TMTC1: variants seen among roughly 807,000 people sequenced by gnomAD.
TMTC1 encodes transmembrane O-mannosyltransferase targeting cadherins 1, also known as protein O-mannosyl-transferase TMTC1.
Under a neutral mutation model 104.8 loss-of-function variants are expected in TMTC1, and 73 were observed. The observed-to-expected ratio is 0.70, with a 90% confidence interval of 0.58 to 0.85. The LOEUF (loss-of-function observed/expected upper bound fraction) is 0.85, where lower values mean the gene tolerates loss of function less well. Ranked by LOEUF, TMTC1 falls within the 40% of genes least tolerant of loss-of-function variation. The pLI is 0.00. For synonymous variants in TMTC1, 434 were observed against 428.7 expected (o/e 1.01, Z -0.15); for missense variants, 1,035 against 1,096.1 (o/e 0.94, Z 0.79).
intron 5 of TMTC1, among the ~76,000 whole-genome samples, chr12:29,666,521 C>A (rs892880539): frequency 2.0e-5 from 3 of 152,046 alleles, no homozygotes; most frequent in Non-Finnish European, 2.9e-5. Context: ...GTGTGAGCCA[C>A]CACACCCGGC....
chr12:29,758,441 A>C (rs1475880883), intron 3 of TMTC1, among the ~76,000 whole-genome samples: 1 of 152,230 alleles, frequency 6.6e-6, no homozygotes, highest in African/African-American at 2.4e-5. Context: ...AGAAACTACA[A>C]GTAAAAGGAA....
intron 5 of TMTC1, among the ~76,000 whole-genome samples, chr12:29,687,470 C>T (rs559327563): frequency 6.6e-5 from 10 of 152,306 alleles, no homozygotes; most frequent in South Asian, 2.1e-4. Context: ...CCAAATTAAA[C>T]GAGACTAAGA....
chr12:29,654,884 TTTG>T (rs1257538136), intron 5 of TMTC1, among the ~76,000 whole-genome samples: 1 of 152,076 alleles, frequency 6.6e-6, no homozygotes, highest in African/African-American at 2.4e-5. Context: ...GATTCTGTTT[TTTG>T]TTGTTGTTGT....
chr12:29,513,335 TATAC>T (rs1943892429), intron 16 of TMTC1, among the ~76,000 whole-genome samples: 2 of 152,048 alleles, frequency 1.3e-5, no homozygotes, highest in Admixed American at 6.6e-5. Context: ...TATATATATA[TATAC>T]ACACACACAC....
At chr12:29,672,744 G>A (rs948778920) in intron 5 of TMTC1, among the ~76,000 whole-genome samples, 1 of 152,034 alleles carries the variant, frequency 6.6e-6, no homozygotes, top group Non-Finnish European at 1.5e-5. Context: ...TTCTCTCAGG[G>A]GCCAAGTAGG....
chr12:29,569,445 A>C (rs985450378), intron 9 of TMTC1, among the ~76,000 whole-genome samples: 1 of 152,134 alleles, frequency 6.6e-6, no homozygotes, highest in African/African-American at 2.4e-5. Context: ...GCATTTCCCT[A>C]ATCACTCTCT....
At chr12:29,686,789 C>G (rs1941108073) in intron 5 of TMTC1, among the ~76,000 whole-genome samples, 2 of 152,284 alleles carry the variant, frequency 1.3e-5, no homozygotes, top group South Asian at 4.1e-4. Flanking sequence ...TTGATTTATC[C>G]TTTTTTATCA....
intron 5 of TMTC1, among the ~76,000 whole-genome samples, chr12:29,664,565 A>G (rs1040408613): frequency 2.0e-5 from 3 of 152,222 alleles, no homozygotes; most frequent in Admixed American, 6.5e-5. Flanking sequence ...ACTCAATAAC[A>G]ATACTATTAA....
In TMTC1 at chr12:29,520,664, G is replaced by A; in HGVS notation, c.1842C>T (p.Asp614=). The part of the protein sequence containing the change: ...IYQTGIKNCP[D]SSDLHNNYGV... ...CATAGTTGTTGTGTAAATCTGAGCT[G>A]TCTGGACAGTTCTTTATTCCAGTTT... Residue 614 remains aspartate, a synonymous_variant, in exon 12 of 18, where the codon GAC becomes GAT. Coordinates refer to ENST00000539277, the MANE Select transcript of TMTC1 (RefSeq NM_001193451.2). The A allele has an allele frequency of 6.2e-7, 1 of 1,613,614 alleles. No homozygotes were observed. The highest frequency in any genetic ancestry group is 1.1e-5 in the South Asian group (1 of 90,996).
intron 7 of TMTC1, among the ~76,000 whole-genome samples, chr12:29,603,113 C>A (rs921824898): frequency 1.3e-5 from 2 of 152,058 alleles, no homozygotes; most frequent in African/African-American, 4.8e-5. Context: ...TAGTATTTAT[C>A]AAGCACTCAT....
intron 8 of TMTC1, among the ~76,000 whole-genome samples, chr12:29,580,250 T>A (rs1945940815): frequency 6.6e-6 from 1 of 151,922 alleles, no homozygotes; most frequent in East Asian, 1.9e-4. Context: ...GTCTGAGAGG[T>A]CAAGGCTGCA....
intron 6 of TMTC1, among the ~76,000 whole-genome samples, chr12:29,617,141 C>T (rs1947004225): frequency 6.6e-6 from 1 of 151,920 alleles, no homozygotes; most frequent in African/African-American, 2.4e-5. Context: ...AGATCATTTT[C>T]CATTTCCATC....
intron 5 of TMTC1, among the ~76,000 whole-genome samples, chr12:29,656,604 G>A (rs548312714): frequency 1.3e-5 from 2 of 151,962 alleles, no homozygotes; most frequent in African/African-American, 4.8e-5. Flanking sequence ...ACAGAAAGAT[G>A]TTTCTCAAAA....
chr12:29,515,020 T>C (rs1188408445), intron 15 of TMTC1, among the ~76,000 whole-genome samples: 1 of 152,004 alleles, frequency 6.6e-6, no homozygotes, highest in Non-Finnish European at 1.5e-5. Context: ...GTCTCAAATA[T>C]ATATACATTC....
chr12:29,623,824 A>AGT (rs1414164681), intron 6 of TMTC1, among the ~76,000 whole-genome samples: 2 of 142,690 alleles, frequency 1.4e-5, no homozygotes, highest in African/African-American at 6.1e-5. Context: ...AAAATAAATA[A>AGT]ATAAATTAAA....
At chr12:29,616,825 C>A (rs1946993514) in intron 6 of TMTC1, among the ~76,000 whole-genome samples, 1 of 152,078 alleles carries the variant, frequency 6.6e-6, no homozygotes, top group Non-Finnish European at 1.5e-5. Flanking sequence ...TGAGATAAAT[C>A]CTAAGCACAG....
At chr12:29,711,535 C>CCGTA (rs1490175269) in intron 5 of TMTC1, among the ~76,000 whole-genome samples, 1 of 152,122 alleles carries the variant, frequency 6.6e-6, no homozygotes, top group Non-Finnish European at 1.5e-5. Flanking sequence ...TAAACTCAGA[C>CCGTA]CGTAAAACTG....
intron 1 of TMTC1, among the ~76,000 whole-genome samples, chr12:29,769,210 A>C (rs540572303): frequency 8.6e-4 from 131 of 152,326 alleles, no homozygotes; most frequent in African/African-American, 3.0e-3. Context: ...AAACATCTCA[A>C]GATTTATTTG....
At chr12:29,756,848 A>G (rs1033786643) in intron 3 of TMTC1, among the ~76,000 whole-genome samples, 1 of 152,148 alleles carries the variant, frequency 6.6e-6, no homozygotes. Context: ...ATTTTTTTCT[A>G]TTGAGTTGGT....
Sources: gnomAD v4.1 joint callset for allele counts (sites outside exome capture counted in the v4.1 genomes callset) on GRCh38, gnomAD v4.1.1 for gene constraint, MANE v1.5 for transcripts, NCBI Gene and HGNC (gene_info 2026-07-23, HGNC 2026-07-21) for gene names.